DOCK10: variants seen among roughly 807,000 people sequenced by gnomAD.
The protein encoded by DOCK10 is dedicator of cytokinesis 10.
Under a neutral mutation model 280.1 loss-of-function variants are expected in DOCK10, and 145 were observed. The ratio of observed to expected loss-of-function variants is 0.52; its 90% CI spans 0.45 to 0.59. The LOEUF (loss-of-function observed/expected upper bound fraction) is 0.59, where lower values mean the gene tolerates loss of function less well. Among genes scored for constraint, DOCK10 ranks in the 20% least tolerant of loss-of-function variants. The pLI, the probability that DOCK10 is intolerant of heterozygous loss-of-function variation, is 0.00. For synonymous variants in DOCK10, 915 were observed against 942.2 expected, an observed-to-expected ratio of 0.97 and a Z score of 0.53; for missense variants, 2,368 against 2,651.7, an observed-to-expected ratio of 0.89 and a Z score of 2.35.
At chr2:224,922,205 C>A (rs1220220716) in intron 2 of DOCK10, among the ~76,000 whole-genome samples, 1 of 150,820 alleles carries the variant, frequency 6.6e-6, no homozygotes, top group African/African-American at 2.4e-5. Flanking sequence ...TTTTAGATCT[C>A]TTTAATGTGT....
At chr2:224,889,122 T>C (rs188587755) in intron 4 of DOCK10, among the ~76,000 whole-genome samples, 21 of 152,370 alleles carry the variant, frequency 1.4e-4, no homozygotes, top group Admixed American at 5.2e-4. Flanking sequence ...AACCTCTGAA[T>C]CTGACTATTG....
intron 3 of DOCK10, among the ~76,000 whole-genome samples, chr2:224,906,722 G>T (rs188888950): frequency 6.6e-6 from 1 of 152,120 alleles, no homozygotes. Flanking sequence ...CTGGTGATCC[G>T]CCCGCCTTGG....
At chr2:224,921,355 T>A (rs1456137748) in intron 2 of DOCK10, among the ~76,000 whole-genome samples, 1 of 150,964 alleles carries the variant, frequency 6.6e-6, no homozygotes, top group African/African-American at 2.4e-5. Flanking sequence ...TTTAAGAAGT[T>A]TTTTGTTTGT....
Position 224,765,696 on chromosome 2 carries a change from A to T in DOCK10, c.*25T>A. The stretch of plus-strand genomic sequence containing the variant: ...CTGCAAATTCAGAAAGTTCTCTTAG[A>T]GGTGGGTCTGATGCTGCAGAGCCCT... On this transcript the variant is annotated 3_prime_UTR_variant, in exon 56 of 56. Coordinates refer to ENST00000258390, the MANE Select transcript of DOCK10 (RefSeq NM_014689.3). 3 of 1,477,828 alleles carry T rather than the reference A, an allele frequency of 2.0e-6. No individual in the cohort carries two copies. Among genetic ancestry groups the T allele is most frequent in the Non-Finnish European group, 1.9e-6 (2 of 1,062,732 alleles). The allele number at this position is 1,477,828 out of a possible 1,614,324, so 91.5% of individuals were successfully genotyped here. A position where few individuals can be genotyped will look rare whatever the true frequency, so the allele number is the denominator to read the frequency against.
At chr2:224,838,424 T>C (rs930192665) in intron 24 of DOCK10, among the ~76,000 whole-genome samples, 5 of 152,206 alleles carry the variant, frequency 3.3e-5, no homozygotes, top group Non-Finnish European at 7.3e-5. Context: ...ATGGCTATAG[T>C]GCTTAGGAAT....
At chr2:224,819,320 C>T in intron 29 of DOCK10, 126 bp downstream of exon 29, 3 of 545,512 alleles carry the variant, frequency 5.5e-6, no homozygotes, top group South Asian at 4.0e-5. Context: ...AAAAGGCTGC[C>T]TCTCCTTGGC....
chr2:224,918,251 CTTTG>C (rs1701446163), intron 2 of DOCK10, among the ~76,000 whole-genome samples: 1 of 152,054 alleles, frequency 6.6e-6, no homozygotes, highest in South Asian at 2.1e-4. Context: ...CTAAATGATT[CTTTG>C]TTGAATTTAT....
At chr2:224,921,110 A>ATATATATATATATATATATATATAT (rs1185460802) in intron 2 of DOCK10, among the ~76,000 whole-genome samples, 1 of 69,624 alleles carries the variant, frequency 1.4e-5, no homozygotes, top group African/African-American at 1.1e-4. Context: ...AAAAAAAAAA[A>ATATATATATATATATATATATATAT]AAATATATAT....
At chr2:224,991,995 CA>C (rs1318656022) in intron 1 of DOCK10, among the ~76,000 whole-genome samples, 7 of 152,066 alleles carry the variant, frequency 4.6e-5, no homozygotes, top group African/African-American at 1.7e-4. Context: ...GCTAATGCAT[CA>C]AGAAAAACCA....
At chr2:225,028,662 AG>A (rs1689988751) in intron 1 of DOCK10, among the ~76,000 whole-genome samples, 1 of 152,196 alleles carries the variant, frequency 6.6e-6, no homozygotes, top group Admixed American at 6.5e-5. Flanking sequence ...CTGATCATTG[AG>A]GGCACTGAGA....
intron 50 of DOCK10, among the ~76,000 whole-genome samples, chr2:224,784,896 G>T (rs999946992): frequency 1.3e-5 from 2 of 152,154 alleles, no homozygotes; most frequent in African/African-American, 4.8e-5. Context: ...TTCATGATCA[G>T]GTTATTAACG....
chr2:224,901,019 ATCTGTGATT>A (rs1279914066), intron 3 of DOCK10, among the ~76,000 whole-genome samples: 1 of 152,184 alleles, frequency 6.6e-6, no homozygotes, highest in Non-Finnish European at 1.5e-5. Context: ...ATGCTTCTAA[ATCTGTGATT>A]TCTGTGATTT....
At chr2:224,845,812 C>G (rs1427650743) in intron 19 of DOCK10, among the ~76,000 whole-genome samples, 170 bp from the exon 20 acceptor site, 1 of 152,210 alleles carries the variant, frequency 6.6e-6, no homozygotes, top group East Asian at 1.9e-4. Flanking sequence ...CAACCTCTGC[C>G]TCCTGGGTTC....
At chr2:224,878,509 G>A (rs1698775726) in intron 7 of DOCK10, among the ~76,000 whole-genome samples, 1 of 152,232 alleles carries the variant, frequency 6.6e-6, no homozygotes, top group Non-Finnish European at 1.5e-5. Context: ...ATGCTCAGCT[G>A]ATGCTGGTCT....
Position 224,931,639 on chromosome 2 carries a change from C to G in DOCK10, c.153G>C (p.Leu51Phe). 1 of 1,609,868 alleles carries G rather than the reference C, an allele frequency of 6.2e-7. No individual in the cohort carries two copies. Among genetic ancestry groups the G allele is most frequent in the East Asian group, 2.2e-5 (1 of 44,832 alleles). Residue 51 changes from leucine (L) to phenylalanine (F), a missense_variant, in exon 2 of 56, where the codon TTG becomes TTC. This residue lies in a region of DOCK10 where 1,209 missense variants were observed against 1,250.9 expected (regional missense o/e 0.97). Coordinates refer to ENST00000258390, the MANE Select transcript of DOCK10 (RefSeq NM_014689.3). Reference protein sequence around the residue: ...RQEKPRLLEPLDYETVIEELE... With the variant: ...RQEKPRLLEPFDYETVIEELE... Reference sequence around the variant, plus strand: ...GTTCTTCAATGACAGTCTCATAATCCAAAGGCTCGAGAAGCCTAGGCTTTT... The same window carrying G: ...GTTCTTCAATGACAGTCTCATAATCGAAAGGCTCGAGAAGCCTAGGCTTTT...
intron 1 of DOCK10, among the ~76,000 whole-genome samples, chr2:225,022,072 T>C (rs996639938): frequency 6.6e-6 from 1 of 152,230 alleles, no homozygotes; most frequent in Non-Finnish European, 1.5e-5. Context: ...TTCAATTTTC[T>C]TAATTATGTG....
chr2:224,793,684 T>G (rs530579701), intron 45 of DOCK10, among the ~76,000 whole-genome samples: 12 of 152,328 alleles, frequency 7.9e-5, no homozygotes, highest in African/African-American at 2.4e-4. Context: ...TGGAGATGGG[T>G]GAAGGAGCTG....
At chr2:224,823,363 A>T (rs915766557) in intron 28 of DOCK10, 138 bp downstream of exon 28, 2 of 663,516 alleles carry the variant, frequency 3.0e-6, no homozygotes, top group Non-Finnish European at 4.6e-6. Flanking sequence ...ATAAAGATGT[A>T]TAAATGAAAG....
chr2:224,876,934 G>A (rs1698666415), intron 7 of DOCK10, among the ~76,000 whole-genome samples: 1 of 152,076 alleles, frequency 6.6e-6, no homozygotes, highest in African/African-American at 2.4e-5. Flanking sequence ...TTCCTTTCCT[G>A]GCTCTGGCTT....
Sources: gnomAD v4.1 joint callset for allele counts (sites outside exome capture counted in the v4.1 genomes callset) on GRCh38, gnomAD v4.1.1 for gene constraint, gnomAD v4.1.1 regional missense constraint, MANE v1.5 for transcripts, NCBI Gene and HGNC (gene_info 2026-07-23, HGNC 2026-07-21) for gene names.